Variants in DOCK5 observed in about 807,000 individuals in gnomAD.
The protein encoded by DOCK5 is dedicator of cytokinesis protein 5.
Under a neutral mutation model 251.8 loss-of-function variants are expected in DOCK5, and 142 were observed. The observed-to-expected ratio is 0.56, with a 90% CI of 0.49 to 0.65. DOCK5 has a LOEUF of 0.65. Ranked by LOEUF, DOCK5 falls within the 30% of genes least tolerant of loss-of-function variation. The pLI, the probability that DOCK5 is intolerant of heterozygous loss-of-function variation, is 0.00. For missense variants in DOCK5, 2,111 were observed against 2,312.3 expected (o/e 0.91, Z 1.79); for synonymous variants, 842 against 835.5 (o/e 1.01, Z -0.13).
chr8:25,300,716 A>C (rs1804740868), intron 9 of DOCK5, 59 bp downstream of exon 9: 8 of 1,461,536 alleles, frequency 5.5e-6, no homozygotes, highest in Non-Finnish European at 7.5e-6. Flanking sequence ...ATATTCACAT[A>C]ATGAATATGT....
At chr8:25,355,182 T>C (rs1800545601) in intron 27 of DOCK5, among the ~76,000 whole-genome samples, 1 of 152,100 alleles carries the variant, frequency 6.6e-6, no homozygotes, top group Admixed American at 6.5e-5. Context: ...TGCAGTGAGC[T>C]GTGAAGGTGC....
chr8:25,316,742 A>G (rs1805262324), intron 13 of DOCK5, among the ~76,000 whole-genome samples: 1 of 152,232 alleles, frequency 6.6e-6, no homozygotes, highest in African/African-American at 2.4e-5. Flanking sequence ...CTATGTATTT[A>G]TTATTAGATA....
intron 1 of DOCK5, among the ~76,000 whole-genome samples, chr8:25,209,171 G>GAGAGAAGTTTCCTGTGCGTCAGGCC (rs1338665663): frequency 7.6e-4 from 57 of 75,400 alleles, no homozygotes; most frequent in South Asian, 2.1e-3. Context: ...GAGGCTCAGA[G>GAGAGAAGTTTCCTGTGCGTCAGGCC]CACATTAGCG....
At chr8:25,254,647 C>T (rs1416864238) in intron 2 of DOCK5, among the ~76,000 whole-genome samples, 3 of 151,368 alleles carry the variant, frequency 2.0e-5, no homozygotes, top group Non-Finnish European at 2.9e-5. Flanking sequence ...TGGTGGTGGC[C>T]AGCTGTAATC....
intron 45 of DOCK5, among the ~76,000 whole-genome samples, chr8:25,397,004 G>A (rs1156383484): frequency 1.3e-5 from 2 of 152,128 alleles, no homozygotes; most frequent in African/African-American, 4.8e-5. Flanking sequence ...GAGATCACCT[G>A]AGGCCAAGAG....
chr8:25,260,814 C>T (rs563173549), intron 2 of DOCK5, among the ~76,000 whole-genome samples: 24 of 149,052 alleles, frequency 1.6e-4, no homozygotes, highest in East Asian at 1.2e-3. Context: ...TTTTTTTAAA[C>T]GGACAGAATC....
At chr8:25,184,988 C>A in intron 1 of DOCK5, 37 bp downstream of exon 1, 1 of 1,334,192 alleles carries the variant, frequency 7.5e-7, no homozygotes, top group Non-Finnish European at 9.7e-7. Flanking sequence ...GCCCGACCCA[C>A]GCGGCCAAGT....
At chr8:25,319,527 T>C (rs1805363126) in intron 14 of DOCK5, 51 bp from the exon 15 acceptor site, 1 of 1,387,134 alleles carries the variant, frequency 7.2e-7, no homozygotes, top group Admixed American at 2.0e-5. Flanking sequence ...GGGGTCCTCT[T>C]ACTTTTCTAA....
At chr8:25,219,860 ATTCATTGATTC>A (rs112457700) in intron 1 of DOCK5, among the ~76,000 whole-genome samples, 24,055 of 151,866 alleles carry the variant, frequency 0.16, 2,093 homozygotes, top group Admixed American at 0.24. Flanking sequence ...TGTGCTAGGT[ATTCATTGATTC>A]CAGAAAGTTA....
intron 20 of DOCK5, 150 bp from the exon 21 acceptor site, chr8:25,333,946 A>G (rs912828096): frequency 6.3e-6 from 4 of 638,666 alleles, no homozygotes; most frequent in Admixed American, 2.7e-5. Flanking sequence ...ACAATCCTCA[A>G]GACTTGACAT....
rs1341773356 is a variant in DOCK5 at position 25,413,674 on chromosome 8, G to C, written c.*2376G>C. 1 of 152,230 alleles carries C rather than the reference G, an allele frequency of 6.6e-6. No homozygotes were observed. The highest frequency in any genetic ancestry group is 1.9e-4 in the East Asian group (1 of 5,190). 9.4% of individuals were successfully genotyped at this position (152,230 alleles called of 1,614,324 possible). On this transcript the variant is annotated 3_prime_UTR_variant, in exon 52 of 52. Coordinates refer to ENST00000276440, the MANE Select transcript of DOCK5 (RefSeq NM_024940.8). ...AGTCCCACAGCCTGGTCTTTGAGCA[G>C]AGGCTGGGAAGATAGGATACATCAC... is the stretch of plus-strand genomic sequence containing the variant.
chr8:25,243,650 C>G (rs1205353603), intron 1 of DOCK5, 24 bp from the exon 2 acceptor site: 3 of 1,607,750 alleles, frequency 1.9e-6, no homozygotes, highest in Non-Finnish European at 2.5e-6. Context: ...ATTCTAATTT[C>G]CCTTTTTTAT....
intron 14 of DOCK5, among the ~76,000 whole-genome samples, chr8:25,318,229 A>T (rs1248369728): frequency 2.7e-5 from 4 of 147,758 alleles, no homozygotes; most frequent in Non-Finnish European, 6.0e-5. Context: ...CTGAGATTAC[A>T]GGTGCTCGCC....
intron 1 of DOCK5, among the ~76,000 whole-genome samples, chr8:25,218,932 G>T (rs1401769494): frequency 1.3e-5 from 2 of 152,174 alleles, no homozygotes; most frequent in African/African-American, 4.8e-5. Context: ...GGCTTATAAT[G>T]TATCAAGTAA....
chr8:25,284,466 C>T (rs1804280556), intron 5 of DOCK5, among the ~76,000 whole-genome samples: 1 of 152,202 alleles, frequency 6.6e-6, no homozygotes, highest in Non-Finnish European at 1.5e-5. Flanking sequence ...CTTCCAGCTT[C>T]GGGCAGAAGG....
intron 25 of DOCK5, among the ~76,000 whole-genome samples, chr8:25,342,821 C>T (rs761680275): frequency 5.0e-5 from 5 of 99,360 alleles, no homozygotes; most frequent in Admixed American, 2.5e-4. Flanking sequence ...GCCTCAGCCT[C>T]CCAAGTAGCT....
intron 27 of DOCK5, among the ~76,000 whole-genome samples, chr8:25,356,907 T>G (rs981032420): frequency 1.5e-5 from 2 of 131,330 alleles, no homozygotes; most frequent in African/African-American, 5.6e-5. Context: ...TATATGAAGA[T>G]TATATATATA....
chr8:25,245,479 T>A (rs907502016), intron 2 of DOCK5, among the ~76,000 whole-genome samples: 5 of 152,170 alleles, frequency 3.3e-5, no homozygotes, highest in African/African-American at 1.2e-4. Context: ...AGTTCAATTT[T>A]TCTAACTCTT....
intron 2 of DOCK5, among the ~76,000 whole-genome samples, chr8:25,256,043 T>A (rs139568602): frequency 1.3e-5 from 2 of 152,286 alleles, no homozygotes; most frequent in African/African-American, 4.8e-5. Flanking sequence ...TCACTTCTCT[T>A]CCTTGCCTCA....
Sources: gnomAD v4.1 joint callset for allele counts (sites outside exome capture counted in the v4.1 genomes callset) on GRCh38, gnomAD v4.1.1 for gene constraint, MANE v1.5 for transcripts, NCBI Gene and HGNC (gene_info 2026-07-23, HGNC 2026-07-21) for gene names.